Variants in ADGRL2 observed in about 807,000 individuals in gnomAD.
ADGRL2 encodes calcium-independent alpha-latrotoxin receptor 2.
A neutral mutation model predicts 157.4 loss-of-function variants in ADGRL2; 44 were observed. That is an observed-to-expected ratio of 0.28 (90% confidence interval 0.22 to 0.36). The LOEUF is 0.36. Among genes scored for constraint, ADGRL2 ranks in the 10% least tolerant of loss-of-function variants. The pLI, the probability that ADGRL2 is intolerant of heterozygous loss-of-function variation, is 1.00. For missense variants in ADGRL2, 1,510 were observed against 1,768.9 expected (o/e 0.85, Z 2.63); for synonymous variants, 585 against 624.7 (o/e 0.94, Z 0.95).
intron 11 of ADGRL2, among the ~76,000 whole-genome samples, chr1:81,957,657 T>A (rs1653976347): frequency 6.6e-6 from 1 of 151,928 alleles, no homozygotes; most frequent in South Asian, 2.1e-4. Flanking sequence ...TGCAGTGAGC[T>A]GAGATCATGC....
chr1:81,654,443 A>G (rs1269226744), intron 3 of ADGRL2, among the ~76,000 whole-genome samples: 2 of 152,120 alleles, frequency 1.3e-5, no homozygotes, highest in African/African-American at 4.8e-5. Flanking sequence ...GTTGCGGTGA[A>G]GGTCTAATTG....
intron 1 of ADGRL2, among the ~76,000 whole-genome samples, chr1:81,760,914 A>T (rs1291388027): frequency 6.6e-6 from 1 of 151,918 alleles, no homozygotes; most frequent in Admixed American, 6.6e-5. Flanking sequence ...CAAACTAATA[A>T]TTTCCTTAAA....
intron 1 of ADGRL2, among the ~76,000 whole-genome samples, chr1:81,744,769 A>C (rs1276156438): frequency 1.3e-5 from 2 of 152,140 alleles, no homozygotes; most frequent in Non-Finnish European, 2.9e-5. Flanking sequence ...AGACAACTGG[A>C]TGTCCGTATT....
intron 1 of ADGRL2, among the ~76,000 whole-genome samples, chr1:81,378,254 C>T (rs1032833013): frequency 4.0e-5 from 6 of 151,896 alleles, no homozygotes; most frequent in Admixed American, 6.6e-5. Flanking sequence ...GTTTTGTCAT[C>T]AAGGTGTCCA....
chr1:81,834,277 C>A (rs2092144150), intron 1 of ADGRL2, among the ~76,000 whole-genome samples: 1 of 152,114 alleles, frequency 6.6e-6, no homozygotes, highest in Non-Finnish European at 1.5e-5. Context: ...TTGAAGTAAT[C>A]TTTTCTGTTT....
intron 4 of ADGRL2, among the ~76,000 whole-genome samples, chr1:81,937,219 G>T (rs1426701087): frequency 1.3e-5 from 2 of 151,862 alleles, no homozygotes; most frequent in Non-Finnish European, 2.9e-5. Context: ...TACTTGAATG[G>T]CTACCTGCTG....
intron 11 of ADGRL2, among the ~76,000 whole-genome samples, chr1:81,958,660 T>G (rs1654371931): frequency 6.6e-6 from 1 of 152,308 alleles, no homozygotes; most frequent in Admixed American, 6.5e-5. Flanking sequence ...AAATATGCAA[T>G]AAGAGCACCT....
At chr1:81,642,902 G>T (rs2082247764) in intron 3 of ADGRL2, among the ~76,000 whole-genome samples, 1 of 152,096 alleles carries the variant, frequency 6.6e-6, no homozygotes, top group Admixed American at 6.5e-5. Context: ...AAAATTCTCA[G>T]TAAACCAGAT....
At chr1:81,575,188 T>G (rs993876017) in intron 2 of ADGRL2, among the ~76,000 whole-genome samples, 3 of 152,200 alleles carry the variant, frequency 2.0e-5, no homozygotes, top group Non-Finnish European at 4.4e-5. Flanking sequence ...TAATGTTTCG[T>G]GTCTTCCCCC....
At chr1:81,878,721 A>T (rs997442554) in intron 2 of ADGRL2, among the ~76,000 whole-genome samples, 4 of 152,202 alleles carry the variant, frequency 2.6e-5, no homozygotes, top group Admixed American at 2.6e-4. Flanking sequence ...TTGTAACTGT[A>T]AAATAGCTCA....
chr1:81,899,766 A>G (rs2094455345), intron 2 of ADGRL2, among the ~76,000 whole-genome samples: 1 of 152,174 alleles, frequency 6.6e-6, no homozygotes, highest in South Asian at 2.1e-4. Context: ...CTTGGAATGA[A>G]TATCACAGTA....
intron 2 of ADGRL2, among the ~76,000 whole-genome samples, chr1:81,497,051 A>G (rs531089959): frequency 2.0e-5 from 3 of 152,282 alleles, no homozygotes; most frequent in African/African-American, 7.2e-5. Flanking sequence ...CAACTACATA[A>G]TTTCTGTAAC....
chr1:81,842,940 AGTTG>A (rs2092652329), intron 2 of ADGRL2, among the ~76,000 whole-genome samples: 1 of 152,088 alleles, frequency 6.6e-6, no homozygotes, highest in Admixed American at 6.6e-5. Context: ...ATATTTGATT[AGTTG>A]AAGTCTAGGA....
chr1:81,327,632 A>C (rs547017264), intron 1 of ADGRL2, among the ~76,000 whole-genome samples: 1 of 152,308 alleles, frequency 6.6e-6, no homozygotes, highest in Admixed American at 6.5e-5. Context: ...AGGTTTATTA[A>C]TTTTATCTAT....
intron 3 of ADGRL2, among the ~76,000 whole-genome samples, chr1:81,692,096 A>C (rs552855068): frequency 1.4e-4 from 21 of 151,776 alleles, no homozygotes; most frequent in Non-Finnish European, 1.6e-4. Flanking sequence ...ATTTTTCCTC[A>C]GTATATATAT....
intron 1 of ADGRL2, among the ~76,000 whole-genome samples, chr1:81,365,075 G>T (rs1056123614): frequency 1.3e-5 from 2 of 152,086 alleles, no homozygotes; most frequent in Non-Finnish European, 2.9e-5. Context: ...GAGAGCTGAC[G>T]CCCTGAGGCT....
chr1:81,382,052 T>A (rs1466084710), intron 1 of ADGRL2, among the ~76,000 whole-genome samples: 2 of 152,222 alleles, frequency 1.3e-5, no homozygotes, highest in Non-Finnish European at 2.9e-5. Context: ...CATGAAAGAA[T>A]CTTGTAGATA....
At chr1:81,395,547 A>C (rs904283953) in intron 1 of ADGRL2, among the ~76,000 whole-genome samples, 1 of 152,106 alleles carries the variant, frequency 6.6e-6, no homozygotes, top group African/African-American at 2.4e-5. Flanking sequence ...GTAGCATTTC[A>C]GTTTGATATA....
At chr1:81,422,721 A>G (rs2077147570) in intron 1 of ADGRL2, among the ~76,000 whole-genome samples, 1 of 152,240 alleles carries the variant, frequency 6.6e-6, no homozygotes, top group Non-Finnish European at 1.5e-5. Flanking sequence ...TATCAGCTGT[A>G]CCACCATTTT....
Sources: gnomAD v4.1 joint callset for allele counts (sites outside exome capture counted in the v4.1 genomes callset) on GRCh38, gnomAD v4.1.1 for gene constraint, MANE v1.5 for transcripts, NCBI Gene and HGNC (gene_info 2026-07-23, HGNC 2026-07-21) for gene names.